OSBPL10: variants seen among roughly 807,000 people sequenced by gnomAD.
OSBPL10 encodes oxysterol-binding protein-related protein 10.
OSBPL10 carries 49 observed loss-of-function variants against 81.7 expected under a neutral mutation model. That is an observed-to-expected ratio of 0.60 (90% CI 0.48 to 0.76). OSBPL10 has a LOEUF of 0.76. OSBPL10 is among the 30% of genes least tolerant of loss of function. OSBPL10 has a pLI of 0.00. For synonymous variants in OSBPL10, 419 were observed against 383.6 expected (o/e 1.09, Z -1.08); for missense variants, 923 against 987.8 (o/e 0.93, Z 0.88).
chr3:31,802,770 A>T (rs1699417487), intron 4 of OSBPL10, among the ~76,000 whole-genome samples: 1 of 152,032 alleles, frequency 6.6e-6, no homozygotes, highest in African/African-American at 2.4e-5. Context: ...AAATCCATTA[A>T]AAACAAGAGT....
chr3:31,917,799 T>TATG (rs368008016), intron 1 of OSBPL10, among the ~76,000 whole-genome samples: 56 of 151,374 alleles, frequency 3.7e-4, no homozygotes, highest in African/African-American at 1.2e-3. Flanking sequence ...GCTGCTGAAG[T>TATG]ATGAGGCTGA....
chr3:31,984,933 C>T (rs1698913148), upstream of OSBPL10, among the ~76,000 whole-genome samples: 1 of 152,104 alleles, frequency 6.6e-6, no homozygotes, highest in African/African-American at 2.4e-5. Flanking sequence ...AAGGCACTTT[C>T]GGTATGATTA....
chr3:32,044,064 C>T (rs1699601323), intron 2 of OSBPL10, among the ~76,000 whole-genome samples: 1 of 152,068 alleles, frequency 6.6e-6, no homozygotes, highest in Admixed American at 6.5e-5. Flanking sequence ...ACCAATGTAA[C>T]AAGCCTGAAC....
At chr3:31,787,290 T>C (rs1453700670) in intron 4 of OSBPL10, among the ~76,000 whole-genome samples, 1 of 152,182 alleles carries the variant, frequency 6.6e-6, no homozygotes, top group African/African-American at 2.4e-5. Context: ...CTTTTAGTCA[T>C]ATATAATGGA....
At chr3:31,915,160 A>ATT (rs55645684) in intron 1 of OSBPL10, among the ~76,000 whole-genome samples, 12 of 147,534 alleles carry the variant, frequency 8.1e-5, no homozygotes, top group South Asian at 6.5e-4. Flanking sequence ...CTTTGAACAC[A>ATT]TTTTTTTTTT....
At chr3:31,864,480 T>G (rs1310466128) in intron 3 of OSBPL10, among the ~76,000 whole-genome samples, 1 of 152,110 alleles carries the variant, frequency 6.6e-6, no homozygotes, top group Non-Finnish European at 1.5e-5. Flanking sequence ...CCTCACATGA[T>G]CCACCTGCCT....
chr3:31,961,883 T>C (rs1161774354), intron 1 of OSBPL10, among the ~76,000 whole-genome samples: 1 of 151,600 alleles, frequency 6.6e-6, no homozygotes, highest in Non-Finnish European at 1.5e-5. Context: ...GTTCTCTAAT[T>C]TTGGCATCAC....
At chr3:32,031,715 A>G (rs1212141761) in intron 2 of OSBPL10, among the ~76,000 whole-genome samples, 1 of 152,112 alleles carries the variant, frequency 6.6e-6, no homozygotes, top group African/African-American at 2.4e-5. Flanking sequence ...CGGCCTCCCA[A>G]AGTGCTGGGA....
At chr3:31,756,885 G>A (rs576336415) in intron 4 of OSBPL10, among the ~76,000 whole-genome samples, 1 of 152,318 alleles carries the variant, frequency 6.6e-6, no homozygotes, top group African/African-American at 2.4e-5. Flanking sequence ...GACAGGCAAT[G>A]AGCAGGTGAA....
In OSBPL10 at chr3:32,069,526, C is replaced by T. The variant is rs146177135; in HGVS notation, n.185+7870G>A. Among the ~76,000 whole-genome samples, 381 of 152,312 alleles carry T rather than the reference C, an allele frequency of 2.5e-3. 1 individual carries two copies. Among genetic ancestry groups the T allele is most frequent in the African/African-American group, 8.7e-3 (363 of 41,562 alleles). Reference sequence around the variant, plus strand: ...CGAAAACCCAGCCCAGTTCATGGCCCGCTTAACAGCAACCCTTAGACGCTT... The same window carrying T: ...CGAAAACCCAGCCCAGTTCATGGCCTGCTTAACAGCAACCCTTAGACGCTT... On this transcript the variant is annotated intron_variant and non_coding_transcript_variant, in intron 1 of 3. Coordinates refer to the OSBPL10 transcript ENST00000479173.
rs1290038077 is a variant in OSBPL10, at chr3:32,076,367, CA to C, written n.185+1028del. On this transcript the variant is annotated intron_variant and non_coding_transcript_variant, in intron 1 of 3. Transcript: ENST00000479173. The stretch of plus-strand genomic sequence containing the variant: ...TGGGCAACAGAGTGAGACTCCATCT[CA>C]AAAAAAAAAAAAGAATCCCACCACC... 4.8e-3 allele frequency among the ~76,000 whole-genome samples: 661 copies of C among 136,656 alleles called. 1 individual carries two copies. The highest frequency in any genetic ancestry group is 6.0e-3 in the Admixed American group (81 of 13,592). 89.7% of individuals were successfully genotyped at this position (136,656 alleles called of 152,430 possible). A position where few individuals can be genotyped will look rare whatever the true frequency, so the allele number is the denominator to read the frequency against.
At chr3:31,804,720 C>T (rs973372000) in intron 4 of OSBPL10, among the ~76,000 whole-genome samples, 1 of 152,310 alleles carries the variant, frequency 6.6e-6, no homozygotes, top group Non-Finnish European at 1.5e-5. Context: ...TACCAAAACA[C>T]GAAGTGCTGA....
chr3:31,666,611 T>G (rs1700196483), intron 10 of OSBPL10, among the ~76,000 whole-genome samples: 1 of 152,078 alleles, frequency 6.6e-6, no homozygotes. Flanking sequence ...GGGCTCAGTA[T>G]CCCTATACAG....
Position 31,889,120 on chromosome 3 carries a change from G to A in OSBPL10, c.282-9290C>T, listed in dbSNP as rs189899472. On this transcript the variant is annotated intron_variant, in intron 1 of 11. Coordinates refer to ENST00000396556, the MANE Select transcript of OSBPL10 (RefSeq NM_017784.5). Reference sequence around the variant, plus strand: ...ATGAGGAATCATCTAACCCCAGCTCGCATGGCTATTATCAAAAAGACAAAA... The same window carrying A: ...ATGAGGAATCATCTAACCCCAGCTCACATGGCTATTATCAAAAAGACAAAA... Among the ~76,000 whole-genome samples, 36 of 152,162 alleles carry A rather than the reference G, an allele frequency of 2.4e-4. 1 individual carries two copies. Among genetic ancestry groups the A allele is most frequent in the Admixed American group, 1.7e-3 (26 of 15,282 alleles).
At chr3:31,981,370 G>C, upstream of OSBPL10, 1 of 997,484 alleles carries the variant, frequency 1.0e-6, no homozygotes, top group Non-Finnish European at 1.3e-6. This position sits in a 1 kb window ranked among gnomAD's most constrained non-coding sequence, Gnocchi z 4.5. Context: ...AACGGGGCTG[G>C]ATGCAGCTGC....
At chr3:32,045,827 G>A (rs1575091709) in intron 2 of OSBPL10, 2 of 152,350 alleles carry the variant, frequency 1.3e-5, no homozygotes, top group East Asian at 3.9e-4. Flanking sequence ...TGAAGCCTAA[G>A]AATCAGTGTG....
chr3:31,983,616 A>G (rs761693187), upstream of OSBPL10, among the ~76,000 whole-genome samples: 2 of 152,188 alleles, frequency 1.3e-5, no homozygotes, highest in Non-Finnish European at 2.9e-5. Flanking sequence ...TGAAAGAGTG[A>G]TGAAGCACAT....
At chr3:32,068,264 T>C (rs1327012370) in intron 1 of OSBPL10, among the ~76,000 whole-genome samples, 1 of 152,212 alleles carries the variant, frequency 6.6e-6, no homozygotes, top group East Asian at 1.9e-4. Flanking sequence ...CGGGGACCCC[T>C]GCCTGATTAT....
At chr3:31,818,970 T>C (rs1313721091) in intron 4 of OSBPL10, among the ~76,000 whole-genome samples, 1 of 152,262 alleles carries the variant, frequency 6.6e-6, no homozygotes, top group African/African-American at 2.4e-5. Context: ...GCCGTGTTAC[T>C]GGCAGGCACT....
Sources: gnomAD v4.1 joint callset for allele counts (sites outside exome capture counted in the v4.1 genomes callset) on GRCh38, gnomAD v4.1.1 for gene constraint, Gnocchi (gnomAD v3.1) non-coding constraint, MANE v1.5 for transcripts, NCBI Gene and HGNC (gene_info 2026-07-23, HGNC 2026-07-21) for gene names.